DNAJC7: variants seen among roughly 807,000 people sequenced by gnomAD.
The protein encoded by DNAJC7 is DnaJ heat shock protein family (Hsp40) member C7, also known as dnaJ homolog subfamily C member 7.
DNAJC7 carries 18 observed loss-of-function variants against 67.4 expected under a neutral mutation model. The observed-to-expected ratio is 0.27, with a 90% CI of 0.18 to 0.40. The LOEUF is 0.40. Among genes scored for constraint, DNAJC7 ranks in the 10% least tolerant of loss-of-function variants. The pLI is 1.00. For missense variants in DNAJC7, 419 were observed against 613.8 expected (o/e 0.68, Z 3.35); for synonymous variants, 220 against 207.8 (o/e 1.06, Z -0.50).
intron 9 of DNAJC7, chr17:41,985,211 G>A (rs1275655786): frequency 6.6e-6 from 1 of 152,172 alleles, no homozygotes; most frequent in African/African-American, 2.4e-5. Context: ...GCTGGCAAAA[G>A]AGAAGCCCAA....
chr17:41,995,893 C>G (rs1180739393), intron 4 of DNAJC7, among the ~76,000 whole-genome samples: 1 of 152,210 alleles, frequency 6.6e-6, no homozygotes, highest in African/African-American at 2.4e-5. Context: ...GCCTCAACCT[C>G]CTGAGCACAA....
chr17:41,999,070 G>T (rs2051736639), intron 2 of DNAJC7, among the ~76,000 whole-genome samples: 1 of 151,644 alleles, frequency 6.6e-6, no homozygotes, highest in African/African-American at 2.4e-5. Flanking sequence ...AAAGAAAAAA[G>T]TTATCATTCA....
intron 10 of DNAJC7, 88 bp downstream of exon 10, chr17:41,983,468 AGATCCCT>A: frequency 8.9e-7 from 1 of 1,129,314 alleles, no homozygotes; most frequent in East Asian, 2.6e-5. Context: ...AGTTCTAGGT[AGATCCCT>A]GATCCCTGAA....
intron 1 of DNAJC7, among the ~76,000 whole-genome samples, chr17:42,004,067 G>A (rs373767735): frequency 2.1e-4 from 31 of 144,564 alleles, no homozygotes; most frequent in African/African-American, 7.6e-4. Flanking sequence ...GTGTTCTCTC[G>A]CCTTAGCCTC....
chr17:42,017,276 G>T, intron 1 of DNAJC7, 64 bp downstream of exon 1: 1 of 1,606,538 alleles, frequency 6.2e-7, no homozygotes, highest in Non-Finnish European at 8.5e-7. Context: ...ATCATGGCAG[G>T]AACGAGTTTC....
intron 6 of DNAJC7, 25 bp from the exon 7 acceptor site, chr17:41,989,582 T>C (rs781821240): frequency 2.3e-5 from 37 of 1,611,938 alleles, no homozygotes; most frequent in Admixed American, 5.0e-5. Flanking sequence ...AAAGGGCACA[T>C]TGAGCTGTGC....
intron 1 of DNAJC7, chr17:42,015,492 G>C (rs980532511): frequency 6.6e-6 from 1 of 152,116 alleles, no homozygotes; most frequent in African/African-American, 2.4e-5. Context: ...ATGAAATGAA[G>C]TCCAAAATAG....
chr17:41,981,541 G>C (rs1280209328), intron 12 of DNAJC7: 1 of 249,324 alleles, frequency 4.0e-6, no homozygotes, highest in African/African-American at 2.3e-5. Context: ...TGTTGGCCAG[G>C]CTGGTCTCAA....
chr17:41,980,326 G>T (rs2051216202), intron 12 of DNAJC7, among the ~76,000 whole-genome samples: 1 of 152,188 alleles, frequency 6.6e-6, no homozygotes, highest in African/African-American at 2.4e-5. Flanking sequence ...GGGATTACAG[G>T]CGTGAGCCAC....
At chr17:41,994,754 T>C (rs1280760312) in intron 5 of DNAJC7, 116 bp downstream of exon 5, 2 of 787,464 alleles carry the variant, frequency 2.5e-6, no homozygotes, top group East Asian at 5.1e-5. Context: ...ATTTAAGTGA[T>C]AATTTACTAT....
At chr17:41,987,957 G>C in intron 8 of DNAJC7, 47 bp from the exon 9 acceptor site, 1 of 1,527,618 alleles carries the variant, frequency 6.5e-7, no homozygotes, top group South Asian at 1.2e-5. Flanking sequence ...TGGTGACTGA[G>C]GGAGCCCAGA....
rs2051480384 is a variant in DNAJC7 at position 41,990,265 on chromosome 17, T to C, written c.598A>G (p.Ser200Gly). ...GRYPEAQSVA[S>G]DILRMDSTNA... Reference sequence around the variant, plus strand: ...TGTCCAGCTAGCCTGACTGCATACCTAGCCACAGACTGTGCTTCTGGATAA... The same window carrying C: ...TGTCCAGCTAGCCTGACTGCATACCCAGCCACAGACTGTGCTTCTGGATAA... Residue 200 changes from serine (S) to glycine (G), a missense_variant and splice_region_variant, in exon 6 of 14, where the codon AGT (serine) becomes GGT (glycine). Physicochemically the swap from Ser to Gly is moderately conservative, Grantham distance 56 (BLOSUM62 0). This residue lies in a region of DNAJC7 where 179 missense variants were observed against 249.7 expected (regional missense o/e 0.72). Transcript: ENST00000457167. 2 of 1,606,414 alleles carry C rather than the reference T, an allele frequency of 1.2e-6. No individual in the cohort carries two copies. The highest frequency in any genetic ancestry group is 1.7e-6 in the Non-Finnish European group (2 of 1,176,438).
intron 5 of DNAJC7, among the ~76,000 whole-genome samples, chr17:41,993,407 C>G (rs1466399648): frequency 2.6e-5 from 4 of 152,074 alleles, no homozygotes; most frequent in Non-Finnish European, 1.5e-5. Flanking sequence ...TGCAGTGAGC[C>G]GAGATCCCGC....
At chr17:41,986,968 A>G (rs1053164635) in intron 9 of DNAJC7, among the ~76,000 whole-genome samples, 2 of 152,174 alleles carry the variant, frequency 1.3e-5, no homozygotes, top group African/African-American at 4.8e-5. Flanking sequence ...TAAGGAGTGG[A>G]GCAGGTGCTG....
chr17:41,990,214 C>T, intron 6 of DNAJC7, 50 bp downstream of exon 6: 1 of 1,491,818 alleles, frequency 6.7e-7, no homozygotes, highest in African/African-American at 1.4e-5. Context: ...CGGACACCAT[C>T]AGTCCAATGG....
chr17:41,997,097 GCC>G lies in DNAJC7; in HGVS notation c.291+16_291+17del. ...GTAGCAACCCAGCCTTCCCCAAACA[GCC>G]CCATTACATACATACCCGGACAAAA... On this transcript the variant is annotated intron_variant, in intron 3 of 13. Transcript: ENST00000457167. The G allele has an allele frequency of 6.2e-7, 1 of 1,613,694 alleles. No individual in the cohort carries two copies. Among genetic ancestry groups the G allele is most frequent in the African/African-American group, 1.3e-5 (1 of 75,018 alleles).
intron 9 of DNAJC7, 40 bp downstream of exon 9, chr17:41,987,779 C>T (rs1466880545): frequency 5.2e-6 from 8 of 1,537,548 alleles, no homozygotes; most frequent in African/African-American, 4.1e-5. Flanking sequence ...CTGAGGCCAG[C>T]GGCAACTCCC....
In DNAJC7 at chr17:41,996,221, A is replaced by G. The variant is rs1413059335; in HGVS notation, c.405+90T>C. 5 of 1,283,176 alleles carry G rather than the reference A, an allele frequency of 3.9e-6. No individual in the cohort carries two copies. The Admixed American group carries it at 7.9e-5, about 20-fold the overall frequency. 79.5% of individuals were successfully genotyped at this position (1,283,176 alleles called of 1,614,324 possible). A position where few individuals can be genotyped will look rare whatever the true frequency, so the allele number is the denominator to read the frequency against. ...CCCAGGTGTGCTGATGGCAGAAGTG[A>G]GACTAGACCTCAGTTCCGACTTTCA... On this transcript the variant is annotated intron_variant, in intron 4 of 13. Coordinates refer to ENST00000457167, the MANE Select transcript of DNAJC7 (RefSeq NM_003315.4).
chr17:41,996,181 A>G, intron 4 of DNAJC7, 130 bp downstream of exon 4: 3 of 782,540 alleles, frequency 3.8e-6, no homozygotes, highest in South Asian at 1.6e-5. Context: ...AGGCTATGAA[A>G]CTCGCCTAAA....
Sources: gnomAD v4.1 joint callset for allele counts (sites outside exome capture counted in the v4.1 genomes callset) on GRCh38, gnomAD v4.1.1 for gene constraint, gnomAD v4.1.1 regional missense constraint, MANE v1.5 for transcripts, NCBI Gene and HGNC (gene_info 2026-07-23, HGNC 2026-07-21) for gene names.